The following ADCY7 variants were observed in gnomAD, a reference collection of about 807,000 sequenced individuals.
ADCY7 encodes adenylate cyclase 7, also known as adenylate cyclase type 7.
Under a neutral mutation model 120.6 loss-of-function variants are expected in ADCY7, and 72 were observed. The ratio of observed to expected loss-of-function variants is 0.60; its 90% confidence interval spans 0.49 to 0.73. The LOEUF (loss-of-function observed/expected upper bound fraction) is 0.73. Among genes scored for constraint, ADCY7 ranks in the 30% least tolerant of loss-of-function variants. The probability of loss-of-function intolerance (pLI) is 0.00; values close to 1 mark genes in which losing one functional copy is unlikely to be tolerated. For missense variants in ADCY7, 1,227 were observed against 1,486.0 expected, an observed-to-expected ratio of 0.83 and a Z score of 2.87; for synonymous variants, 661 against 628.0, an observed-to-expected ratio of 1.05 and a Z score of -0.78.
chr16:50,253,504 G>A (rs778504332), intron 1 of ADCY7, among the ~76,000 whole-genome samples: 50 of 152,194 alleles, frequency 3.3e-4, no homozygotes, highest in Non-Finnish European at 6.0e-4. Context: ...CACCCCTGCC[G>A]TGGCCTCCCA....
intron 7 of ADCY7, among the ~76,000 whole-genome samples, chr16:50,295,725 G>A (rs539902838): frequency 7.9e-5 from 12 of 152,234 alleles, no homozygotes; most frequent in Admixed American, 7.2e-4. Flanking sequence ...CTCGACACGT[G>A]CCAGGCAGGG....
intron 20 of ADCY7, 57 bp downstream of exon 20, chr16:50,311,843 A>G (rs2036499747): frequency 9.4e-6 from 12 of 1,271,500 alleles, no homozygotes; most frequent in Non-Finnish European, 1.3e-5. Flanking sequence ...CCTCACCTCC[A>G]TCTGGAGATG....
intron 7 of ADCY7, among the ~76,000 whole-genome samples, chr16:50,295,834 G>T (rs1179999352): frequency 6.6e-6 from 1 of 152,154 alleles, no homozygotes; most frequent in African/African-American, 2.4e-5. Flanking sequence ...GGGCCTACAT[G>T]GTATGTGCTT....
chr16:50,308,069 G>A (rs1218300151), intron 15 of ADCY7, among the ~76,000 whole-genome samples: 1 of 151,088 alleles, frequency 6.6e-6, no homozygotes, highest in African/African-American at 2.4e-5. Context: ...TGAGTCTAAA[G>A]GCTGCAGAGA....
In ADCY7 at chr16:50,293,338, GC is replaced by G; in HGVS notation, c.688-13del. On this transcript the variant is annotated splice_polypyrimidine_tract_variant and intron_variant, in intron 5 of 25. Transcript: ENST00000673801. ...GCTTTGCTGGTCCCTCTGCTGGTCT[GC>G]CCACCCACACCCAGGAGAACCTGCT... 1.2e-6 allele frequency: 2 copies of G among 1,610,584 alleles called. No homozygotes were observed. The highest frequency in any genetic ancestry group is 1.7e-6 in the Non-Finnish European group (2 of 1,177,800).
upstream of ADCY7, among the ~76,000 whole-genome samples, chr16:50,266,222 C>T (rs890854188): frequency 2.6e-5 from 4 of 152,322 alleles, 1 homozygote; most frequent in Middle Eastern, 6.8e-3. Flanking sequence ...CAGGCCAGGC[C>T]GCTAATTGCT....
intron 18 of ADCY7, among the ~76,000 whole-genome samples, chr16:50,309,933 CT>C (rs2036341287): frequency 6.6e-6 from 1 of 152,130 alleles, no homozygotes. Context: ...GGTCAGGGCA[CT>C]TCCTCTCTGA....
At chr16:50,291,372 G>A (rs1182040943) in intron 3 of ADCY7, among the ~76,000 whole-genome samples, 6 of 151,946 alleles carry the variant, frequency 3.9e-5, no homozygotes, top group East Asian at 3.9e-4. Context: ...GGGTGGGGCC[G>A]CATTGCTGGA....
At position 50,312,968 on chromosome 16, in the gene ADCY7, T is replaced by G. The variant is rs1284776060; in HGVS notation, c.2683T>G (p.Cys895Gly). ...GGACTTCAAAGTGTTCTACACAGAGTGCGATGTCAACAAAGAAGGGCTGGA... is the reference window on the plus strand; with the variant it reads ...GGACTTCAAAGTGTTCTACACAGAGGGCGATGTCAACAAAGAAGGGCTGGA... ...VPDFKVFYTE[C>G]DVNKEGLECL... The change falls in exon 22 of 26, where the codon TGC becomes GGC. Residue 895 changes from cysteine (C) to glycine (G), a missense_variant. Transcript: ENST00000673801. The G allele has an allele frequency of 6.2e-7, 1 of 1,614,096 alleles. No individual in the cohort carries two copies. Among genetic ancestry groups the G allele is most frequent in the Non-Finnish European group, 8.5e-7 (1 of 1,180,008 alleles).
Position 50,282,147 on chromosome 16 carries a change from C to T in ADCY7, c.-268-5765C>T, listed in dbSNP as rs116089813. Among the ~76,000 whole-genome samples, 709 of 152,296 alleles carry T rather than the reference C, an allele frequency of 4.7e-3. 10 individuals are homozygous for T. The highest frequency in any genetic ancestry group is 0.015 in the African/African-American group (643 of 41,566). On this transcript the variant is annotated intron_variant, in intron 1 of 25. Transcript: ENST00000673801. ...AGCCCTGAGCCTGCTGAGGCTCGGC[C>T]GGAGGAAGCCAGGCTGTGGTTTCTG...
intron 1 of ADCY7, among the ~76,000 whole-genome samples, chr16:50,247,539 ATTTTTTT>A (rs5816683): frequency 9.0e-5 from 10 of 111,374 alleles, no homozygotes; most frequent in Non-Finnish European, 1.7e-4. Flanking sequence ...TAATTTAGTA[ATTTTTTT>A]TTTTTTTTTT....
intron 1 of ADCY7, among the ~76,000 whole-genome samples, chr16:50,261,008 CAA>C (rs2033044137): frequency 6.6e-6 from 1 of 152,174 alleles, no homozygotes; most frequent in Non-Finnish European, 1.5e-5. Flanking sequence ...GCCACTGTGG[CAA>C]AGATGGCCCC....
chr16:50,287,254 A>T (rs2034638453), intron 1 of ADCY7, among the ~76,000 whole-genome samples: 1 of 151,746 alleles, frequency 6.6e-6, no homozygotes. Context: ...ACCTCAGGTG[A>T]TCTGCCTGCC....
upstream of ADCY7, among the ~76,000 whole-genome samples, chr16:50,266,223 G>A (rs964470439): frequency 2.0e-5 from 3 of 152,238 alleles, no homozygotes; most frequent in Non-Finnish European, 4.4e-5. Flanking sequence ...AGGCCAGGCC[G>A]CTAATTGCTA....
At chr16:50,252,628 G>A (rs2032793052) in intron 1 of ADCY7, among the ~76,000 whole-genome samples, 1 of 152,178 alleles carries the variant, frequency 6.6e-6, no homozygotes, top group African/African-American at 2.4e-5. Flanking sequence ...CAACAGATGG[G>A]GAAACTGAGG....
chr16:50,315,424 C>G lies in ADCY7; in HGVS notation c.3162C>G (p.Ile1054Met). The G allele has an allele frequency of 6.2e-7, 1 of 1,614,180 alleles. No individual in the cohort carries two copies. The highest frequency in any genetic ancestry group is 8.5e-7 in the Non-Finnish European group (1 of 1,180,008). ...LGYSCECRGL[I>M]NVKGKGELRT... ...ACTCTTGTGAATGCCGTGGCCTGAT[C>G]AACGTCAAAGGCAAAGGCGAGCTGA... The change falls in exon 26 of 26, where the codon ATC (isoleucine) becomes ATG (methionine). Residue 1054 changes from isoleucine to methionine, a missense_variant. By Grantham distance (10) the Ile-to-Met change is conservative (BLOSUM62 1). Coordinates refer to ENST00000673801, the MANE Select transcript of ADCY7 (RefSeq NM_001114.5).
chr16:50,250,456 C>CAAAAAA (rs34443362), intron 1 of ADCY7, among the ~76,000 whole-genome samples: 2 of 69,126 alleles, frequency 2.9e-5, no homozygotes, highest in African/African-American at 5.5e-5. Context: ...GACTCTATCT[C>CAAAAAA]AAAAAAAAAA....
chr16:50,312,275 G>A, intron 21 of ADCY7, 84 bp downstream of exon 21: 4 of 1,502,084 alleles, frequency 2.7e-6, no homozygotes, highest in Non-Finnish European at 3.6e-6. Context: ...GAGCTGGAGT[G>A]CATGCTGAGC....
At chr16:50,261,638 C>T (rs1029676600), upstream of ADCY7, among the ~76,000 whole-genome samples, 1 of 150,884 alleles carries the variant, frequency 6.6e-6, no homozygotes. Flanking sequence ...CACAGCCCCC[C>T]ACGGGCTCCC....
Sources: gnomAD v4.1 joint callset for allele counts (sites outside exome capture counted in the v4.1 genomes callset) on GRCh38, gnomAD v4.1.1 for gene constraint, MANE v1.5 for transcripts, NCBI Gene and HGNC (gene_info 2026-07-23, HGNC 2026-07-21) for gene names.